Variants in ARID3A observed in about 807,000 individuals in gnomAD.
The protein encoded by ARID3A is AT-rich interaction domain 3A.
A neutral mutation model predicts 52.7 loss-of-function variants in ARID3A; 11 were observed. The observed-to-expected ratio is 0.21, with a 90% confidence interval of 0.13 to 0.35. The LOEUF (loss-of-function observed/expected upper bound fraction) is 0.35, where lower values mean the gene tolerates loss of function less well. Ranked by LOEUF, ARID3A falls within the 10% of genes least tolerant of loss-of-function variation. The pLI, the probability that ARID3A is intolerant of heterozygous loss-of-function variation, is 1.00. For missense variants in ARID3A, 721 were observed against 838.5 expected, an observed-to-expected ratio of 0.86 and a Z score of 1.73; for synonymous variants, 404 against 359.4, an observed-to-expected ratio of 1.12 and a Z score of -1.40.
At chr19:927,565 G>A (rs1238924337) in intron 1 of ARID3A, among the ~76,000 whole-genome samples, 2 of 151,900 alleles carry the variant, frequency 1.3e-5, no homozygotes, top group Non-Finnish European at 2.9e-5. Flanking sequence ...CCCCCAAAGA[G>A]GGGGGGCTTT....
intron 8 of ARID3A, among the ~76,000 whole-genome samples, chr19:968,992 A>G (rs1385828810): frequency 5.9e-5 from 9 of 152,174 alleles, no homozygotes; most frequent in Non-Finnish European, 1.2e-4. Context: ...CAAAGAATGT[A>G]TAAGCCCAGG....
intron 1 of ARID3A, among the ~76,000 whole-genome samples, chr19:926,881 G>GT (rs749745078): frequency 4.0e-5 from 6 of 151,336 alleles, no homozygotes; most frequent in East Asian, 3.9e-4. Context: ...GGCTGGAGGG[G>GT]TTCCCCCCCC....
chr19:947,395 C>T lies in ARID3A; in HGVS notation c.694-12697C>T, dbSNP rs972319561. On this transcript the variant is annotated intron_variant, in intron 3 of 8. Coordinates refer to ENST00000263620, the MANE Select transcript of ARID3A (RefSeq NM_005224.3). This position sits in a 1 kb window ranked among gnomAD's most constrained non-coding sequence, Gnocchi z 6.3. Reference sequence around the variant, plus strand: ...TGGAAGTGCCTGTCAGCTGATCCCACCCCGGCCACATCTCAGCACCAGGCC... The same window carrying T: ...TGGAAGTGCCTGTCAGCTGATCCCATCCCGGCCACATCTCAGCACCAGGCC... Among the ~76,000 whole-genome samples the T allele has an allele frequency of 1.3e-5, 2 of 152,214 alleles. No individual in the cohort carries two copies. Among genetic ancestry groups the T allele is most frequent in the Non-Finnish European group, 2.9e-5 (2 of 68,038 alleles).
intron 3 of ARID3A, among the ~76,000 whole-genome samples, chr19:933,215 G>A (rs962175874): frequency 3.3e-5 from 5 of 152,150 alleles, no homozygotes; most frequent in Admixed American, 1.3e-4. Context: ...AGGGGATGTG[G>A]GGGTGGCTCA....
intron 3 of ARID3A, among the ~76,000 whole-genome samples, chr19:951,220 G>A (rs972612193): frequency 6.6e-6 from 1 of 151,894 alleles, no homozygotes; most frequent in Non-Finnish European, 1.5e-5. Flanking sequence ...GCCTCCCAAC[G>A]TGCTGGGATT....
In ARID3A at chr19:972,730, C is replaced by T. The variant is rs1048320760; in HGVS notation, c.*665C>T. The T allele has an allele frequency of 6.3e-6, 1 of 157,794 alleles. No individual in the cohort carries two copies. Among genetic ancestry groups the T allele is most frequent in the East Asian group, 1.0e-4 (1 of 9,918 alleles). 9.8% of individuals were successfully genotyped at this position (157,794 alleles called of 1,614,324 possible). A position where few individuals can be genotyped will look rare whatever the true frequency, so the allele number is the denominator to read the frequency against. ...GGATCAAACCTTAGGAAAAGGATAT[C>T]TATATATCTATATAGCTATATATTT... On this transcript the variant is annotated 3_prime_UTR_variant, in exon 9 of 9. Transcript: ENST00000263620.
At chr19:926,962 CCTT>C (rs1255608599) in intron 1 of ARID3A, among the ~76,000 whole-genome samples, 5 of 151,506 alleles carry the variant, frequency 3.3e-5, no homozygotes, top group South Asian at 4.2e-4. Context: ...TATTTCTTCT[CCTT>C]CTTGAGTTTT....
chr19:931,941 G>C (rs893627277), intron 2 of ARID3A, among the ~76,000 whole-genome samples: 1 of 152,144 alleles, frequency 6.6e-6, no homozygotes, highest in East Asian at 1.9e-4. Context: ...GGAAGGGGAG[G>C]TGGAGCTGGG....
In ARID3A at chr19:941,618, A is replaced by AT. The variant is rs1444210423; in HGVS notation, c.693+8883dup. 1.3e-5 allele frequency among the ~76,000 whole-genome samples: 2 copies of AT among 151,824 alleles called. No individual in the cohort carries two copies. The highest frequency in any genetic ancestry group is 2.1e-4 in the South Asian group (1 of 4,798). On this transcript the variant is annotated intron_variant, in intron 3 of 8. Transcript: ENST00000263620. The surrounding 1 kb of genome is among the most constrained non-coding windows in gnomAD (Gnocchi z 6.9). ...TGGGGTGATGATCTCCTGTGTGTGC[A>AT]TTTTTTTAACTATAAAGATGGGGTC... is the stretch of plus-strand genomic sequence containing the variant.
At position 941,873 on chromosome 19, in the gene ARID3A, T is replaced by G. The variant is rs2037563294; in HGVS notation, c.693+9131T>G. 6.6e-6 allele frequency among the ~76,000 whole-genome samples: 1 copy of G among 151,842 alleles called. No individual in the cohort carries two copies. Among genetic ancestry groups the G allele is most frequent in the South Asian group, 2.1e-4 (1 of 4,810 alleles). Reference sequence around the variant, plus strand: ...GCTGGAGAGTGTGTGTCCAAAAGCGTGCCTGCTTGGGCTCGCCACGTGTGC... The same window carrying G: ...GCTGGAGAGTGTGTGTCCAAAAGCGGGCCTGCTTGGGCTCGCCACGTGTGC... On this transcript the variant is annotated intron_variant, in intron 3 of 8. Transcript: ENST00000263620. This position sits in a 1 kb window ranked among gnomAD's most constrained non-coding sequence, Gnocchi z 6.9.
Position 964,765 on chromosome 19 carries a change from G to A in ARID3A, c.951-68G>A. ...GTGGTGCCACAGTGGGGTTTACTTT[G>A]TACTGAAGGCCAAAGAGAGCCGTAG... On this transcript the variant is annotated intron_variant, in intron 5 of 8. Coordinates refer to ENST00000263620, the MANE Select transcript of ARID3A (RefSeq NM_005224.3). The surrounding 1 kb of genome is among the most constrained non-coding windows in gnomAD (Gnocchi z 5.7). The A allele has an allele frequency of 1.3e-6, 2 of 1,560,710 alleles. No homozygotes were observed. The highest frequency in any genetic ancestry group is 1.7e-6 in the Non-Finnish European group (2 of 1,150,060).
chr19:966,320 G>A (rs1278384339), intron 6 of ARID3A, among the ~76,000 whole-genome samples: 5 of 151,508 alleles, frequency 3.3e-5, no homozygotes, highest in Non-Finnish European at 7.4e-5. Context: ...TTAGCCAGGC[G>A]TGGTGGCGGG....
Position 932,712 on chromosome 19 carries a change from C to G in ARID3A, c.663C>G (p.Gly221=). The G allele has an allele frequency of 6.5e-7, 1 of 1,547,246 alleles. No homozygotes were observed. The highest frequency in any genetic ancestry group is 1.4e-5 in the African/African-American group (1 of 73,006). The part of the protein sequence containing the change: ...VAPQLQPPDH[G]DWTYEEQFKQ... ...CGCAGCTGCAGCCGCCTGACCACGG[C>G]GACTGGACTTACGAGGAGCAGTTTA... Residue 221 remains glycine (G), a synonymous_variant, in exon 3 of 9, where the codon GGC becomes GGG. Coordinates refer to ENST00000263620, the MANE Select transcript of ARID3A (RefSeq NM_005224.3).
chr19:929,554 C>CGCTGTTGCA lies in ARID3A; in HGVS notation c.29_37dup (p.Leu10_Gln12dup). 1 of 1,521,644 alleles carries CGCTGTTGCA rather than the reference C, an allele frequency of 6.6e-7. No individual in the cohort carries two copies. Among genetic ancestry groups the CGCTGTTGCA allele is most frequent in the Non-Finnish European group, 8.8e-7 (1 of 1,140,886 alleles). 94.3% of individuals were successfully genotyped at this position (1,521,644 alleles called of 1,614,324 possible). ...ATGAAACTACAGGCCGTGATGGAGA[C>CGCTGTTGCA]GCTGTTGCAGCGGCAGCAGCGGGCG... is the stretch of plus-strand genomic sequence containing the variant. On this transcript the variant is annotated inframe_insertion, in exon 2 of 9. Transcript: ENST00000263620. This position sits in a 1 kb window ranked among gnomAD's most constrained non-coding sequence, Gnocchi z 6.2.
At chr19:966,311 T>C (rs889097021) in intron 6 of ARID3A, among the ~76,000 whole-genome samples, 7 of 150,588 alleles carry the variant, frequency 4.6e-5, no homozygotes, top group African/African-American at 1.7e-4. Flanking sequence ...AATACAAAAT[T>C]AGCCAGGCGT....
chr19:970,380 C>G (rs1026607465), intron 8 of ARID3A, among the ~76,000 whole-genome samples: 2 of 151,892 alleles, frequency 1.3e-5, no homozygotes, highest in African/African-American at 4.8e-5. Context: ...GGGGCAGTGG[C>G]CCACGCCTGT....
Position 938,474 on chromosome 19 carries a change from G to T in ARID3A, c.693+5732G>T, listed in dbSNP as rs891640505. Among the ~76,000 whole-genome samples, 1 of 152,202 alleles carries T rather than the reference G, an allele frequency of 6.6e-6. No homozygotes were observed. The highest frequency in any genetic ancestry group is 6.5e-5 in the Admixed American group (1 of 15,272). On this transcript the variant is annotated intron_variant, in intron 3 of 8. Coordinates refer to ENST00000263620, the MANE Select transcript of ARID3A (RefSeq NM_005224.3). This position sits in a 1 kb window ranked among gnomAD's most constrained non-coding sequence, Gnocchi z 4.0. ...ACTTGTGCACAGTCGCCCGGGGGAC[G>T]TGTCAGAGCTGGAATTTGACCCCCG... is the stretch of plus-strand genomic sequence containing the variant.
At chr19:930,678 T>A (rs1419495084) in intron 2 of ARID3A, among the ~76,000 whole-genome samples, 1 of 150,210 alleles carries the variant, frequency 6.7e-6, no homozygotes, top group Non-Finnish European at 1.5e-5. Flanking sequence ...CCTGGCTAAC[T>A]TTTTGTATTT....
In ARID3A at chr19:964,820, G is replaced by A. The variant is rs374457410; in HGVS notation, c.951-13G>A. 14 of 1,607,988 alleles carry A rather than the reference G, an allele frequency of 8.7e-6. No homozygotes were observed. The highest frequency in any genetic ancestry group is 5.3e-5 in the African/African-American group (4 of 74,774). On this transcript the variant is annotated splice_polypyrimidine_tract_variant and intron_variant, in intron 5 of 8. Transcript: ENST00000263620. This position sits in a 1 kb window ranked among gnomAD's most constrained non-coding sequence, Gnocchi z 5.7. ...GACCCGGGTGCCATCCTCTTCCCTC[G>A]TCCCACCCACAGATACATGAAGTAC...
Sources: allele counts gnomAD v4.1 joint callset (sites outside exome capture counted in the v4.1 genomes callset), GRCh38; gene constraint gnomAD v4.1.1; non-coding constraint Gnocchi (gnomAD v3.1); transcripts MANE v1.5; gene names NCBI Gene and HGNC (gene_info 2026-07-23, HGNC 2026-07-21).